The following PLXND1 variants were observed in gnomAD, a reference collection of about 807,000 sequenced individuals.
PLXND1 encodes the protein plexin D1.
In PLXND1, 54 loss-of-function variants were observed where a neutral mutation model predicts 197.7. The observed-to-expected ratio is 0.27, with a 90% CI of 0.22 to 0.34. The LOEUF (loss-of-function observed/expected upper bound fraction) is 0.34. Among genes scored for constraint, PLXND1 ranks in the 10% least tolerant of loss-of-function variants. The pLI is 1.00. For synonymous variants in PLXND1, 1,180 were observed against 1,161.2 expected, an observed-to-expected ratio of 1.02 and a Z score of -0.33; for missense variants, 2,127 against 2,699.2, an observed-to-expected ratio of 0.79 and a Z score of 4.70.
At position 129,573,734 on chromosome 3, in the gene PLXND1, CAG is replaced by C. The variant is rs2085270994; in HGVS notation, c.2695_2696del (p.Leu899GlufsTer23). Reference protein sequence around the residue: ...PAPEIHAIEPLSGPLDGGTLL... With the variant: ...PAPEIHAIEPXSGPLDGGTLL... Reference sequence around the variant, plus strand: ...GGGTCCCACCGTCCAACGGGCCACTCAGGGGCTCAATCTGCCAGGTGACCCGA... The same window carrying C: ...GGGTCCCACCGTCCAACGGGCCACTCGGGCTCAATCTGCCAGGTGACCCGA... On this transcript the variant is annotated frameshift_variant, in exon 13 of 36. Coordinates refer to ENST00000324093, the MANE Select transcript of PLXND1 (RefSeq NM_015103.3). LOFTEE classifies it high-confidence loss of function. The C allele has an allele frequency of 6.2e-7, 1 of 1,613,402 alleles. No homozygotes were observed. The highest frequency in any genetic ancestry group is 8.5e-7 in the Non-Finnish European group (1 of 1,179,918).
At chr3:129,598,902 G>T (rs2626003) in intron 1 of PLXND1, among the ~76,000 whole-genome samples, 149,410 of 152,248 alleles carry the variant, frequency 0.98, 73,382 homozygotes, top group East Asian at 1. Context: ...TAACAGTCAT[G>T]TCATTCAGGT....
Position 129,603,386 on chromosome 3 carries a change from G to C in PLXND1, c.1311+1943C>G, listed in dbSNP as rs539343249. Among the ~76,000 whole-genome samples, 172 of 152,300 alleles carry C rather than the reference G, an allele frequency of 1.1e-3. 3 individuals carry two copies. Among genetic ancestry groups the C allele is most frequent in the Non-Finnish European group, 2.6e-4 (18 of 68,012 alleles). ...TCTTGCCAGAGGGGGAGGGAACCCT[G>C]GGCTGGCCTAAGGAATCCCACAGAT... On this transcript the variant is annotated intron_variant, in intron 1 of 35. Transcript: ENST00000324093.
chr3:129,601,157 A>G (rs1289525834), intron 1 of PLXND1, among the ~76,000 whole-genome samples: 1 of 152,164 alleles, frequency 6.6e-6, no homozygotes, highest in Non-Finnish European at 1.5e-5. Flanking sequence ...AAAGGGATCC[A>G]AGCTACATGC....
intron 27 of PLXND1, 157 bp downstream of exon 27, chr3:129,562,630 A>C: frequency 1.6e-6 from 1 of 636,040 alleles, no homozygotes; most frequent in Non-Finnish European, 2.6e-6. Flanking sequence ...TGTCTCCTAC[A>C]GAGTAAGAGC....
In PLXND1 at chr3:129,569,632, C is replaced by T. The variant is rs74598296; in HGVS notation, c.3865+211G>A. Reference sequence around the variant, plus strand: ...GGACCTGGGCGTGGGCCTAGCATATCCCCTGGCCACCTAACATCTTCTACC... The same window carrying T: ...GGACCTGGGCGTGGGCCTAGCATATTCCCTGGCCACCTAACATCTTCTACC... On this transcript the variant is annotated intron_variant, in intron 20 of 35. Coordinates refer to ENST00000324093, the MANE Select transcript of PLXND1 (RefSeq NM_015103.3). 443 of 557,098 alleles carry T rather than the reference C, an allele frequency of 8.0e-4. 1 individual carries two copies. In the East Asian group the frequency reaches 0.012, roughly 15 times the overall value. 34.5% of individuals were successfully genotyped at this position (557,098 alleles called of 1,614,324 possible). A position where few individuals can be genotyped will look rare whatever the true frequency, so the allele number is the denominator to read the frequency against.
At chr3:129,570,650 A>C in intron 19 of PLXND1, 136 bp downstream of exon 19, 2 of 842,992 alleles carry the variant, frequency 2.4e-6, no homozygotes, top group Non-Finnish European at 1.9e-6. Context: ...GGGGATGTAA[A>C]GCTCTGCTTT....
At position 129,558,282 on chromosome 3, in the gene PLXND1, C is replaced by G. The variant is rs2085003417; in HGVS notation, c.5445+146G>C. The G allele has an allele frequency of 2.7e-6, 2 of 737,506 alleles. No individual in the cohort carries two copies. The highest frequency in any genetic ancestry group is 3.5e-5 in the African/African-American group (2 of 57,088). The allele number at this position is 737,506 out of a possible 1,614,324, so 45.7% of individuals were successfully genotyped here. A position where few individuals can be genotyped will look rare whatever the true frequency, so the allele number is the denominator to read the frequency against. ...CTCCCTGTCTGAATGAGTCACTCATCCCACATCCCCTAGACCTGAGATCTT... is the reference window on the plus strand; with the variant it reads ...CTCCCTGTCTGAATGAGTCACTCATGCCACATCCCCTAGACCTGAGATCTT... On this transcript the variant is annotated intron_variant, in intron 33 of 35. Transcript: ENST00000324093. This position sits in a 1 kb window ranked among gnomAD's most constrained non-coding sequence, Gnocchi z 4.1.
rs780210348 is a variant in PLXND1 at position 129,556,392 on chromosome 3, T to A, written c.5698A>T (p.Arg1900Trp). The part of the protein sequence containing the change: ...AALEANPTAR[R>W]TQLQHKFEQV... ...TCAAACTTGTGCTGCAGTTGTGTCCTCCGGGCCGTGGGGTTGGCCTCCAGC... is the reference window on the plus strand; with the variant it reads ...TCAAACTTGTGCTGCAGTTGTGTCCACCGGGCCGTGGGGTTGGCCTCCAGC... Residue 1900 changes from arginine (R) to tryptophan (W), a missense_variant, in exon 36 of 36, where the codon AGG becomes TGG. By Grantham distance (101) the Arg-to-Trp change is moderately radical. Coordinates refer to ENST00000324093, the MANE Select transcript of PLXND1 (RefSeq NM_015103.3). The A allele has an allele frequency of 6.2e-7, 1 of 1,614,166 alleles. No homozygotes were observed. Among genetic ancestry groups the A allele is most frequent in the East Asian group, 2.2e-5 (1 of 44,876 alleles).
chr3:129,570,849 G>C lies in PLXND1; in HGVS notation c.3687C>G (p.Asp1229Glu). The C allele has an allele frequency of 6.2e-7, 1 of 1,614,182 alleles. No individual in the cohort carries two copies. Among genetic ancestry groups the C allele is most frequent in the East Asian group, 2.2e-5 (1 of 44,884 alleles). ...CGTTGACCGAGCAGTGGATGATTCTGTCAGAGACAATCTGGATGTCGCAGC... is the reference window on the plus strand; with the variant it reads ...CGTTGACCGAGCAGTGGATGATTCTCTCAGAGACAATCTGGATGTCGCAGC... ...QVSCDIQIVS[D>E]RIIHCSVNES... Residue 1229 changes from aspartate (D) to glutamate (E), a missense_variant, in exon 19 of 36, where the codon GAC becomes GAG. Around this residue, in one of 6 missense-constraint regions of PLXND1, gnomAD observed 532 missense variants for 811.0 expected, o/e 0.66. Coordinates refer to ENST00000324093, the MANE Select transcript of PLXND1 (RefSeq NM_015103.3).
intron 20 of PLXND1, among the ~76,000 whole-genome samples, chr3:129,568,699 C>A (rs1458064953): frequency 6.6e-6 from 1 of 152,178 alleles, no homozygotes; most frequent in East Asian, 1.9e-4. Flanking sequence ...CAGACTCATG[C>A]CACCATGCCC....
At chr3:129,587,946 T>C (rs893034725) in intron 2 of PLXND1, among the ~76,000 whole-genome samples, 4 of 146,018 alleles carry the variant, frequency 2.7e-5, no homozygotes, top group Non-Finnish European at 4.5e-5. Context: ...GGCGGAGCCT[T>C]GCAGGGGCTC....
chr3:129,564,003 C>A (rs1329359811), intron 25 of PLXND1, among the ~76,000 whole-genome samples: 1 of 152,226 alleles, frequency 6.6e-6, no homozygotes, highest in African/African-American at 2.4e-5. Flanking sequence ...TCCCTGCTTC[C>A]TAGAGGAGGA....
rs149987116 is a variant in PLXND1 at position 129,584,543 on chromosome 3, G to A, written c.1871C>T (p.Ser624Leu). ...QEYPGMILQI[S>L]GSLPSLSGME... is the part of the protein sequence containing the mutation. The stretch of plus-strand genomic sequence containing the variant: ...GCCACTGAGGCTGGGCAGGCTGCCC[G>A]AGATCTGCAGGATCATGCCCTGGGG... Residue 624 changes from serine (S) to leucine (L), a missense_variant, in exon 6 of 36, where the codon TCG becomes TTG. By Grantham distance (145) the Ser-to-Leu change is moderately radical. Transcript: ENST00000324093. The A allele has an allele frequency of 2.0e-4, 316 of 1,609,832 alleles. 2 individuals are homozygous for A. In the African/African-American group the frequency reaches 3.7e-3, roughly 19 times the overall value.
chr3:129,589,636 T>C (rs1376140610), intron 1 of PLXND1, 109 bp from the exon 2 acceptor site: 1 of 973,902 alleles, frequency 1.0e-6, no homozygotes, highest in Non-Finnish European at 1.5e-6. Context: ...TCAAGTCTTG[T>C]TCCTACTTTA....
chr3:129,578,443 A>G lies in PLXND1; in HGVS notation c.2242-10T>C, dbSNP rs1183143283. On this transcript the variant is annotated splice_polypyrimidine_tract_variant and intron_variant, in intron 8 of 35. Coordinates refer to ENST00000324093, the MANE Select transcript of PLXND1 (RefSeq NM_015103.3). Reference sequence around the variant, plus strand: ...GGCAGTCCTGAGGGCTCTGCAGAGGAAACAGAAGGAGAGGGTGACACAGGG... The same window carrying G: ...GGCAGTCCTGAGGGCTCTGCAGAGGGAACAGAAGGAGAGGGTGACACAGGG... The G allele has an allele frequency of 3.9e-6, 6 of 1,537,002 alleles. No homozygotes were observed. Among genetic ancestry groups the G allele is most frequent in the Non-Finnish European group, 5.3e-6 (6 of 1,126,342 alleles).
At position 129,558,400 on chromosome 3, in the gene PLXND1, G is replaced by A. The variant is rs2085005245; in HGVS notation, c.5445+28C>T. 2.5e-6 allele frequency: 4 copies of A among 1,608,928 alleles called. No homozygotes were observed. In the East Asian group the frequency reaches 8.9e-5, roughly 36 times the overall value. On this transcript the variant is annotated intron_variant, in intron 33 of 35. Transcript: ENST00000324093. The surrounding 1 kb of genome is among the most constrained non-coding windows in gnomAD (Gnocchi z 4.1). ...CACCCCACTCTGGCCCTGTGCATGG[G>A]CCTGGCCTGGTCCTGGGAACAGCTG...
At chr3:129,594,514 G>A (rs1265836960) in intron 1 of PLXND1, among the ~76,000 whole-genome samples, 2 of 152,152 alleles carry the variant, frequency 1.3e-5, no homozygotes, top group African/African-American at 2.4e-5. Flanking sequence ...CAAGGTGACC[G>A]CAGCTCACTA....
At chr3:129,568,465 C>A (rs1277098638) in intron 20 of PLXND1, among the ~76,000 whole-genome samples, 1 of 152,196 alleles carries the variant, frequency 6.6e-6, no homozygotes, top group East Asian at 1.9e-4. Context: ...AATATACTCA[C>A]TTTAAAAATA....
chr3:129,581,130 C>T (rs1032341924), intron 8 of PLXND1, among the ~76,000 whole-genome samples: 4 of 152,226 alleles, frequency 2.6e-5, no homozygotes, highest in Admixed American at 2.0e-4. Context: ...ACACTTCTCC[C>T]GGCTCCCGAG....
Sources: allele counts gnomAD v4.1 joint callset (sites outside exome capture counted in the v4.1 genomes callset), GRCh38; gene constraint gnomAD v4.1.1; regional missense constraint gnomAD v4.1.1; non-coding constraint Gnocchi (gnomAD v3.1); transcripts MANE v1.5; gene names NCBI Gene and HGNC (gene_info 2026-07-23, HGNC 2026-07-21).